Variants in NRXN1 observed in about 807,000 individuals in gnomAD.
NRXN1 encodes the protein neurexin 1.
Under a neutral mutation model 150.9 loss-of-function variants are expected in NRXN1, and 39 were observed. That is an observed-to-expected ratio of 0.26 (90% CI 0.20 to 0.34). The LOEUF (loss-of-function observed/expected upper bound fraction) is 0.34, where lower values mean the gene tolerates loss of function less well. NRXN1 is among the 10% of genes least tolerant of loss of function. NRXN1 has a pLI of 1.00. For synonymous variants in NRXN1, 924 were observed against 757.0 expected, an observed-to-expected ratio of 1.22 and a Z score of -3.62; for missense variants, 1,815 against 1,949.9, an observed-to-expected ratio of 0.93 and a Z score of 1.30.
chr2:50,337,954 A>G (rs1446082440), intron 17 of NRXN1, among the ~76,000 whole-genome samples: 1 of 152,254 alleles, frequency 6.6e-6, no homozygotes, highest in African/African-American at 2.4e-5. Context: ...ACTTTTGTAT[A>G]AAGATGTTTA....
chr2:50,228,035 GA>G (rs1184428834), intron 18 of NRXN1, among the ~76,000 whole-genome samples: 1 of 152,024 alleles, frequency 6.6e-6, no homozygotes, highest in Admixed American at 6.6e-5. Flanking sequence ...ATTCTGAAAT[GA>G]GAGGTGTTGT....
intron 18 of NRXN1, among the ~76,000 whole-genome samples, chr2:50,218,750 A>C (rs2063578726): frequency 6.6e-6 from 1 of 151,944 alleles, no homozygotes; most frequent in Admixed American, 6.6e-5. Context: ...CTCTAAGGGA[A>C]ATAACTGCCT....
chr2:50,081,928 T>C (rs1299689951), intron 19 of NRXN1, among the ~76,000 whole-genome samples: 2 of 151,984 alleles, frequency 1.3e-5, no homozygotes, highest in Admixed American at 6.6e-5. Context: ...AACTATATGA[T>C]AAAACAAAGA....
At chr2:50,513,297 A>G (rs1181533773) in intron 12 of NRXN1, among the ~76,000 whole-genome samples, 3 of 152,216 alleles carry the variant, frequency 2.0e-5, no homozygotes, top group Admixed American at 1.3e-4. Flanking sequence ...AATGGTTGAC[A>G]GTCAAATACA....
chr2:50,139,129 T>C (rs575926501), intron 18 of NRXN1, among the ~76,000 whole-genome samples: 2 of 151,966 alleles, frequency 1.3e-5, no homozygotes, highest in South Asian at 2.1e-4. Flanking sequence ...CATTTGAGAC[T>C]AGCCTAACCA....
At chr2:50,893,187 C>G (rs753588259) in intron 5 of NRXN1, among the ~76,000 whole-genome samples, 1 of 152,134 alleles carries the variant, frequency 6.6e-6, no homozygotes, top group African/African-American at 2.4e-5. Flanking sequence ...TGCATCTGAG[C>G]ATTTGTCCCC....
chr2:50,289,582 A>G (rs2072643658), intron 17 of NRXN1, among the ~76,000 whole-genome samples: 1 of 152,160 alleles, frequency 6.6e-6, no homozygotes, highest in African/African-American at 2.4e-5. Flanking sequence ...TGCTACATGA[A>G]GTAAAGGCCA....
intron 17 of NRXN1, among the ~76,000 whole-genome samples, chr2:50,247,695 T>C (rs975803693): frequency 6.6e-6 from 1 of 152,092 alleles, no homozygotes; most frequent in African/African-American, 2.4e-5. Flanking sequence ...GGAACTGTCC[T>C]AGATTAGAGA....
Position 50,869,623 on chromosome 2 carries a change from T to C in NRXN1, c.832+52246A>G, listed in dbSNP as rs1263884217. On this transcript the variant is annotated intron_variant, in intron 5 of 22. Coordinates refer to ENST00000401669, the MANE Select transcript of NRXN1 (RefSeq NM_001330078.2). ...GTTTAATTAGTAAGGTAATTACATA[T>C]AGAGCTACTGATGACACACAGCCTA... Among the ~76,000 whole-genome samples, 3 of 151,806 alleles carry C rather than the reference T, an allele frequency of 2.0e-5. No individual in the cohort carries two copies. In the South Asian group the frequency reaches 6.2e-4, roughly 31 times the overall value.
intron 21 of NRXN1, among the ~76,000 whole-genome samples, chr2:50,031,360 AT>A: frequency 6.6e-6 from 1 of 152,034 alleles, no homozygotes; most frequent in South Asian, 2.1e-4. Flanking sequence ...CCAAAGAAAT[AT>A]CTCAAATGAC....
At chr2:50,095,761 C>T (rs547792368) in intron 18 of NRXN1, among the ~76,000 whole-genome samples, 3 of 44,964 alleles carry the variant, frequency 6.7e-5, no homozygotes, top group East Asian at 1.0e-3. Context: ...GGAGAACATC[C>T]GACTTTTTTT....
chr2:50,364,269 T>C (rs1280808505), intron 17 of NRXN1, among the ~76,000 whole-genome samples: 1 of 152,056 alleles, frequency 6.6e-6, no homozygotes, highest in Non-Finnish European at 1.5e-5. Context: ...CCAGCTTAAA[T>C]TGCAGTTAAA....
intron 5 of NRXN1, among the ~76,000 whole-genome samples, chr2:50,753,659 A>G (rs983684138): frequency 6.6e-6 from 1 of 151,914 alleles, no homozygotes; most frequent in African/African-American, 2.4e-5. Flanking sequence ...ACAAGAAAAG[A>G]TTATCTGAAA....
chr2:50,797,546 A>G (rs893285525), intron 5 of NRXN1, among the ~76,000 whole-genome samples: 22 of 152,154 alleles, frequency 1.4e-4, no homozygotes, highest in African/African-American at 5.3e-4. Flanking sequence ...ACGGAGCTAG[A>G]TCATGGGTAG....
intron 8 of NRXN1, among the ~76,000 whole-genome samples, chr2:50,560,328 C>G (rs1668864118): frequency 6.6e-6 from 1 of 152,128 alleles, no homozygotes; most frequent in South Asian, 2.1e-4. Flanking sequence ...GCATCCAGTA[C>G]AGTACCTACA....
intron 17 of NRXN1, among the ~76,000 whole-genome samples, chr2:50,383,460 T>C (rs1572765615): frequency 6.6e-6 from 1 of 152,294 alleles, no homozygotes; most frequent in East Asian, 1.9e-4. Flanking sequence ...AAAAAAATTC[T>C]TTTAAAGTTT....
chr2:50,759,846 G>A (rs1001361372), intron 5 of NRXN1, among the ~76,000 whole-genome samples: 13 of 151,148 alleles, frequency 8.6e-5, no homozygotes, highest in Non-Finnish European at 1.8e-4. Flanking sequence ...GTGTGTGTGT[G>A]TGTGTGTGTG....
At chr2:50,338,113 C>A (rs1334487950) in intron 17 of NRXN1, among the ~76,000 whole-genome samples, 1 of 152,230 alleles carries the variant, frequency 6.6e-6, no homozygotes. Context: ...GCATATTTAA[C>A]AGCATGTCCA....
chr2:50,049,101 CA>C (rs1487107317), intron 21 of NRXN1, among the ~76,000 whole-genome samples: 1 of 152,068 alleles, frequency 6.6e-6, no homozygotes, highest in African/African-American at 2.4e-5. Context: ...GCTTTTCTTG[CA>C]AAGGTAAATT....
Sources: gnomAD v4.1 joint callset for allele counts (sites outside exome capture counted in the v4.1 genomes callset) on GRCh38, gnomAD v4.1.1 for gene constraint, MANE v1.5 for transcripts, NCBI Gene and HGNC (gene_info 2026-07-23, HGNC 2026-07-21) for gene names.